NAA30: variants seen among roughly 807,000 people sequenced by gnomAD.
The protein encoded by NAA30 is N-alpha-acetyltransferase 30.
Under a neutral mutation model 31.4 loss-of-function variants are expected in NAA30, and 5 were observed. The observed-to-expected ratio is 0.16, with a 90% CI of 0.08 to 0.33. The LOEUF is 0.33. Ranked by LOEUF, NAA30 falls within the 10% of genes least tolerant of loss-of-function variation. The pLI is 1.00. For synonymous variants in NAA30, 222 were observed against 207.1 expected, an observed-to-expected ratio of 1.07 and a Z score of -0.62; for missense variants, 428 against 490.8, an observed-to-expected ratio of 0.87 and a Z score of 1.21.
intron 4 of NAA30, among the ~76,000 whole-genome samples, chr14:57,400,970 C>T (rs2066474042): frequency 6.6e-6 from 1 of 151,704 alleles, no homozygotes; most frequent in African/African-American, 2.4e-5. Flanking sequence ...CTCCTGGCCT[C>T]AGGTGATCCT....
intron 4 of NAA30, among the ~76,000 whole-genome samples, chr14:57,402,318 A>G (rs1038079549): frequency 1.3e-5 from 2 of 152,202 alleles, no homozygotes; most frequent in African/African-American, 4.8e-5. Flanking sequence ...TCACTTGTTC[A>G]GTGCCTTAGC....
rs772531164 is a variant in NAA30 at position 57,391,131 on chromosome 14, C to G, written c.174C>G (p.Gly58=). The change falls in exon 2 of 5, where the codon GGC becomes GGG. Residue 58 remains glycine (G), a synonymous_variant. Transcript: ENST00000556492. The surrounding 1 kb of genome is among the most constrained non-coding windows in gnomAD (Gnocchi z 4.1). ...HEGGGSRSPA[G]GESATVAAKG... is the part of the protein sequence containing the mutation. Reference sequence around the variant, plus strand: ...GCGGCGGCAGCAGGAGCCCGGCGGGCGGAGAGTCGGCGACGGTGGCGGCCA... The same window carrying G: ...GCGGCGGCAGCAGGAGCCCGGCGGGGGGAGAGTCGGCGACGGTGGCGGCCA... 2 of 1,577,260 alleles carry G rather than the reference C, an allele frequency of 1.3e-6. No homozygotes were observed. Among genetic ancestry groups the G allele is most frequent in the East Asian group, 2.3e-5 (1 of 43,816 alleles).
intron 2 of NAA30, among the ~76,000 whole-genome samples, chr14:57,395,420 C>T (rs548341120): frequency 6.6e-6 from 1 of 152,156 alleles, no homozygotes; most frequent in Non-Finnish European, 1.5e-5. Context: ...TTTTTTGACT[C>T]ATTTCTGCTT....
In NAA30 at chr14:57,409,511, C is replaced by A; in HGVS notation, c.1084C>A (p.Arg362Ser). 6.3e-7 allele frequency: 1 copy of A among 1,595,726 alleles called. No individual in the cohort carries two copies. The change falls in exon 5 of 5, where the codon CGT becomes AGT. Residue 362 changes from arginine (R) to serine (S), a missense_variant. By Grantham distance (110) the Arg-to-Ser change is moderately radical. Transcript: ENST00000556492. ...VDALRLKLWL[R>S] ...TGCACTGCGACTTAAACTGTGGCTGCGTTGAGAAACTGACATCAAGGAACA... is the reference window on the plus strand; with the variant it reads ...TGCACTGCGACTTAAACTGTGGCTGAGTTGAGAAACTGACATCAAGGAACA...
At chr14:57,394,110 TAA>T (rs11326184) in intron 2 of NAA30, among the ~76,000 whole-genome samples, 2,201 of 137,210 alleles carry the variant, frequency 0.016, 26 homozygotes, top group East Asian at 0.07. Flanking sequence ...GTAAAAGATG[TAA>T]AAAAAAAAAA....
intron 4 of NAA30, among the ~76,000 whole-genome samples, chr14:57,402,253 C>G (rs549889626): frequency 9.2e-5 from 14 of 152,358 alleles, no homozygotes; most frequent in African/African-American, 3.4e-4. Flanking sequence ...TGGACAGAAT[C>G]CATTTCACTT....
chr14:57,407,756 A>T (rs2066503696), intron 4 of NAA30, among the ~76,000 whole-genome samples: 1 of 152,216 alleles, frequency 6.6e-6, no homozygotes, highest in African/African-American at 2.4e-5. Flanking sequence ...TTTTAAGTAG[A>T]GAATTAACAA....
Position 57,391,583 on chromosome 14 carries a change from A to C in NAA30, c.626A>C (p.Glu209Ala). 1 of 1,614,226 alleles carries C rather than the reference A, an allele frequency of 6.2e-7. No homozygotes were observed. The highest frequency in any genetic ancestry group is 8.5e-7 in the Non-Finnish European group (1 of 1,180,034). ...SPSGREVEPG[E>A]DRTIRYVRYE... is the part of the protein sequence containing the mutation. ...TCGGGCAGGGAGGTTGAGCCTGGGG[A>C]GGATCGGACGATACGATATGTCCGA... Residue 209 changes from glutamate to alanine, a missense_variant, in exon 2 of 5, where the codon GAG becomes GCG. Around this residue, in one of 2 missense-constraint regions of NAA30, gnomAD observed 349 missense variants for 310.4 expected, o/e 1.12. Transcript: ENST00000556492. The surrounding 1 kb of genome is among the most constrained non-coding windows in gnomAD (Gnocchi z 4.1).
At chr14:57,398,527 G>A (rs1191090640) in intron 3 of NAA30, among the ~76,000 whole-genome samples, 3 of 151,998 alleles carry the variant, frequency 2.0e-5, no homozygotes, top group East Asian at 1.9e-4. Flanking sequence ...GTGTGATCCC[G>A]GCTCACTGCA....
intron 4 of NAA30, among the ~76,000 whole-genome samples, chr14:57,406,013 A>G (rs1018045017): frequency 3.3e-5 from 5 of 152,202 alleles, no homozygotes; most frequent in Admixed American, 6.5e-5. Flanking sequence ...AATTTCTAAT[A>G]TAAATTCAGA....
intron 3 of NAA30, among the ~76,000 whole-genome samples, 174 bp from the exon 4 acceptor site, chr14:57,399,654 T>C (rs2066465805): frequency 6.6e-6 from 1 of 152,262 alleles, no homozygotes; most frequent in Non-Finnish European, 1.5e-5. Flanking sequence ...ATAGGTTCTG[T>C]TGGCTTCTCT....
chr14:57,401,022 C>T (rs539031729), intron 4 of NAA30, among the ~76,000 whole-genome samples: 8 of 152,104 alleles, frequency 5.3e-5, no homozygotes, highest in South Asian at 2.1e-4. Flanking sequence ...AGGCATGAGC[C>T]GTTGCTCCTG....
At chr14:57,400,885 G>T (rs2066473000) in intron 4 of NAA30, among the ~76,000 whole-genome samples, 1 of 150,052 alleles carries the variant, frequency 6.7e-6, no homozygotes, top group African/African-American at 2.5e-5. Flanking sequence ...GTTGTTGTGG[G>T]GTTTTTTTTT....
intron 4 of NAA30, among the ~76,000 whole-genome samples, chr14:57,404,782 T>C (rs2066491372): frequency 6.6e-6 from 1 of 152,070 alleles, no homozygotes; most frequent in African/African-American, 2.4e-5. Context: ...AATTCCTCTT[T>C]TTAAAACCAT....
At position 57,412,415 on chromosome 14, in the gene NAA30, G is replaced by T. The variant is rs567482409; in HGVS notation, c.*2899G>T. ...TATTATGGTGTCTAAAAATCATGAA[G>T]TTCATCACTTTTCAGGAGTATAGAT... is the stretch of plus-strand genomic sequence containing the variant. On this transcript the variant is annotated 3_prime_UTR_variant, in exon 5 of 5. Transcript: ENST00000556492. 12 of 152,212 alleles carry T rather than the reference G, an allele frequency of 7.9e-5. No homozygotes were observed. Among genetic ancestry groups the T allele is most frequent in the Admixed American group, 7.2e-4 (11 of 15,294 alleles). 9.4% of individuals were successfully genotyped at this position (152,212 alleles called of 1,614,324 possible).
At chr14:57,400,488 GC>G (rs1430150946) in intron 4 of NAA30, among the ~76,000 whole-genome samples, 1 of 152,200 alleles carries the variant, frequency 6.6e-6, no homozygotes, top group Non-Finnish European at 1.5e-5. Flanking sequence ...ATTTACTGTT[GC>G]ACAGTGTGGA....
chr14:57,392,114 G>A (rs986654729), intron 2 of NAA30, among the ~76,000 whole-genome samples: 1 of 152,142 alleles, frequency 6.6e-6, no homozygotes, highest in Admixed American at 6.5e-5. Flanking sequence ...TTAGTCTCTC[G>A]ATTACAACCA....
At chr14:57,395,809 C>T (rs1480558775) in intron 2 of NAA30, among the ~76,000 whole-genome samples, 1 of 152,136 alleles carries the variant, frequency 6.6e-6, no homozygotes, top group African/African-American at 2.4e-5. Flanking sequence ...CTATGCTACA[C>T]TTACATATAT....
At chr14:57,394,045 A>G (rs1244588596) in intron 2 of NAA30, among the ~76,000 whole-genome samples, 1 of 152,036 alleles carries the variant, frequency 6.6e-6, no homozygotes, top group Non-Finnish European at 1.5e-5. Context: ...GAACCTTACA[A>G]AATTGCCAAT....
Sources: allele counts gnomAD v4.1 joint callset (sites outside exome capture counted in the v4.1 genomes callset), GRCh38; gene constraint gnomAD v4.1.1; regional missense constraint gnomAD v4.1.1; non-coding constraint Gnocchi (gnomAD v3.1); transcripts MANE v1.5; gene names NCBI Gene and HGNC (gene_info 2026-07-23, HGNC 2026-07-21).